Variants in CNTNAP2 observed in about 807,000 individuals in gnomAD.
CNTNAP2 encodes contactin-associated protein-like 2.
Under a neutral mutation model 155.2 loss-of-function variants are expected in CNTNAP2, and 98 were observed. The observed-to-expected ratio is 0.63, with a 90% confidence interval of 0.54 to 0.75. The LOEUF (loss-of-function observed/expected upper bound fraction) is 0.75. CNTNAP2 is among the 30% of genes least tolerant of loss of function. CNTNAP2 has a pLI of 0.00. For missense variants in CNTNAP2, 1,727 were observed against 1,688.1 expected, an observed-to-expected ratio of 1.02 and a Z score of -0.40; for synonymous variants, 651 against 631.2, an observed-to-expected ratio of 1.03 and a Z score of -0.47.
intron 3 of CNTNAP2, among the ~76,000 whole-genome samples, chr7:146,964,043 A>G (rs1355730021): frequency 6.6e-6 from 1 of 152,128 alleles, no homozygotes; most frequent in African/African-American, 2.4e-5. Context: ...TTTACTGATC[A>G]CCAGCAGTGG....
intron 15 of CNTNAP2, among the ~76,000 whole-genome samples, chr7:148,061,286 AAG>A (rs1803124245): frequency 6.6e-6 from 1 of 152,212 alleles, no homozygotes; most frequent in Non-Finnish European, 1.5e-5. Flanking sequence ...GAGGATTTAA[AAG>A]AGTGATTAAC....
intron 1 of CNTNAP2, among the ~76,000 whole-genome samples, chr7:146,459,340 C>T (rs1213445565): frequency 6.6e-6 from 1 of 152,152 alleles, no homozygotes; most frequent in Non-Finnish European, 1.5e-5. Context: ...TAGCACCAGT[C>T]ATGTGATATT....
chr7:147,301,804 C>T (rs556831971), intron 9 of CNTNAP2, among the ~76,000 whole-genome samples: 4 of 152,212 alleles, frequency 2.6e-5, no homozygotes, highest in Non-Finnish European at 4.4e-5. Context: ...CAAGACGTCA[C>T]TTTATTATGA....
intron 15 of CNTNAP2, among the ~76,000 whole-genome samples, chr7:147,990,280 A>G (rs771785736): frequency 2.0e-5 from 3 of 152,202 alleles, no homozygotes; most frequent in Non-Finnish European, 4.4e-5. Context: ...AGAAAGAGGA[A>G]AGAAACACAA....
chr7:147,376,527 A>T (rs1796436627), intron 9 of CNTNAP2, among the ~76,000 whole-genome samples: 1 of 151,956 alleles, frequency 6.6e-6, no homozygotes, highest in Non-Finnish European at 1.5e-5. Flanking sequence ...TTTTCATTGT[A>T]TACTAACCTT....
intron 3 of CNTNAP2, among the ~76,000 whole-genome samples, chr7:147,011,272 G>T (rs1243633487): frequency 2.6e-5 from 4 of 151,778 alleles, no homozygotes; most frequent in Non-Finnish European, 5.9e-5. Flanking sequence ...AAATTAGCTT[G>T]ACGTGGTGAC....
At chr7:147,005,438 C>G (rs992064824) in intron 3 of CNTNAP2, among the ~76,000 whole-genome samples, 3 of 151,876 alleles carry the variant, frequency 2.0e-5, no homozygotes, top group Non-Finnish European at 4.4e-5. Flanking sequence ...GAATAGACCC[C>G]TGCAACAAAG....
chr7:148,215,213 C>T (rs993227334), intron 18 of CNTNAP2, among the ~76,000 whole-genome samples: 1 of 151,956 alleles, frequency 6.6e-6, no homozygotes, highest in Admixed American at 6.6e-5. Flanking sequence ...AATATGCATG[C>T]CATAGTTAAC....
At chr7:146,470,811 G>A (rs181625484) in intron 1 of CNTNAP2, among the ~76,000 whole-genome samples, 50 of 152,018 alleles carry the variant, frequency 3.3e-4, no homozygotes, top group African/African-American at 1.1e-3. Flanking sequence ...TTCATGATCC[G>A]CCTGCCTGGG....
intron 1 of CNTNAP2, among the ~76,000 whole-genome samples, chr7:146,201,814 G>C (rs1798867433): frequency 6.6e-6 from 1 of 151,950 alleles, no homozygotes; most frequent in East Asian, 1.9e-4. Flanking sequence ...GAATTTAACT[G>C]GTCACAAATC....
intron 20 of CNTNAP2, among the ~76,000 whole-genome samples, chr7:148,235,558 A>G (rs1166769684): frequency 2.0e-5 from 3 of 151,760 alleles, no homozygotes; most frequent in Non-Finnish European, 4.4e-5. Context: ...AGGCCAAATT[A>G]TTGTCCATTA....
intron 12 of CNTNAP2, among the ~76,000 whole-genome samples, chr7:147,631,498 A>G (rs926701278): frequency 4.6e-5 from 7 of 152,166 alleles, no homozygotes; most frequent in African/African-American, 1.7e-4. Flanking sequence ...TTCATATGAA[A>G]CCAAAAACAA....
chr7:147,173,876 T>C (rs1000654030), intron 8 of CNTNAP2, among the ~76,000 whole-genome samples: 1 of 152,164 alleles, frequency 6.6e-6, no homozygotes, highest in Non-Finnish European at 1.5e-5. Flanking sequence ...GTAAACTCTG[T>C]CACAGAATTG....
chr7:146,476,234 G>A (rs1796875478), intron 1 of CNTNAP2, among the ~76,000 whole-genome samples: 1 of 152,132 alleles, frequency 6.6e-6, no homozygotes. Flanking sequence ...AACAAATTTA[G>A]AGTAGGTTGT....
At chr7:146,900,009 G>A (rs1285236667) in intron 3 of CNTNAP2, among the ~76,000 whole-genome samples, 2 of 152,160 alleles carry the variant, frequency 1.3e-5, no homozygotes, top group Admixed American at 1.3e-4. Flanking sequence ...TACCCTCAAC[G>A]AGCTGGAAAT....
chr7:147,822,068 T>G (rs1023416767), intron 13 of CNTNAP2, among the ~76,000 whole-genome samples: 2 of 152,126 alleles, frequency 1.3e-5, no homozygotes, highest in South Asian at 2.1e-4. Flanking sequence ...ACAGAGAAAC[T>G]GTCCGCTAGA....
At chr7:148,242,661 G>A (rs1003623883) in intron 20 of CNTNAP2, among the ~76,000 whole-genome samples, 1 of 152,198 alleles carries the variant, frequency 6.6e-6, no homozygotes, top group African/African-American at 2.4e-5. Context: ...CATTCAAAGG[G>A]TACAATCCAG....
intron 8 of CNTNAP2, among the ~76,000 whole-genome samples, chr7:147,299,632 A>G (rs1240639191): frequency 6.6e-6 from 1 of 152,240 alleles, no homozygotes; most frequent in Non-Finnish European, 1.5e-5. Context: ...AGCTATACAG[A>G]AAAATAAAGA....
intron 13 of CNTNAP2, among the ~76,000 whole-genome samples, chr7:147,749,727 G>T (rs1043888614): frequency 9.2e-5 from 14 of 152,206 alleles, no homozygotes; most frequent in South Asian, 4.1e-4. Context: ...TTTTAATTCT[G>T]CATTACAAAG....
Sources: gnomAD v4.1 joint callset for allele counts (sites outside exome capture counted in the v4.1 genomes callset) on GRCh38, gnomAD v4.1.1 for gene constraint, MANE v1.5 for transcripts, NCBI Gene and HGNC (gene_info 2026-07-23, HGNC 2026-07-21) for gene names.